GNAL: variants seen among roughly 807,000 people sequenced by gnomAD.
The protein encoded by GNAL is guanine nucleotide-binding protein G(olf) subunit alpha.
GNAL carries 18 observed loss-of-function variants against 55.1 expected under a neutral mutation model. That is an observed-to-expected ratio of 0.33 (90% CI 0.23 to 0.48). GNAL has a LOEUF of 0.48. GNAL is among the 20% of genes least tolerant of loss of function. The pLI, the probability that GNAL is intolerant of heterozygous loss-of-function variation, is 0.99. For missense variants in GNAL, 412 were observed against 614.1 expected (o/e 0.67, Z 3.48); for synonymous variants, 253 against 237.0 (o/e 1.07, Z -0.62).
Position 11,854,306 on chromosome 18 carries a change from A to C in GNAL, c.723-8089A>C, listed in dbSNP as rs963104529. The C allele has an allele frequency of 2.4e-5, 4 of 167,078 alleles. No homozygotes were observed. In the Admixed American group the frequency reaches 2.6e-4, roughly 11 times the overall value. 10.3% of individuals were successfully genotyped at this position (167,078 alleles called of 1,614,324 possible). ...TCTTAAAATATGTCCATGTCATACT[A>C]TTATGAATGTACATTTTTATGAGTC... On this transcript the variant is annotated intron_variant, in intron 5 of 11. Transcript: ENST00000334049.
intron 4 of GNAL, among the ~76,000 whole-genome samples, chr18:11,820,595 TTGATAAATG>T (rs1396891087): frequency 1.3e-5 from 2 of 152,232 alleles, no homozygotes; most frequent in African/African-American, 4.8e-5. Context: ...TGGCCATGTG[TTGATAAATG>T]TGGAACCTGA....
At chr18:11,879,562 G>GC (rs1352791543) in intron 11 of GNAL, among the ~76,000 whole-genome samples, 2 of 152,086 alleles carry the variant, frequency 1.3e-5, no homozygotes, top group Non-Finnish European at 2.9e-5. Flanking sequence ...CAGTCATATT[G>GC]CATTAGGGCC....
intron 5 of GNAL, chr18:11,851,360 TG>T: frequency 9.8e-7 from 1 of 1,019,716 alleles, no homozygotes; most frequent in Non-Finnish European, 1.4e-6. Flanking sequence ...CCTTTGGCGC[TG>T]GGCTCTGACG....
At chr18:11,713,411 A>G (rs2031882852) in intron 1 of GNAL, among the ~76,000 whole-genome samples, 1 of 152,232 alleles carries the variant, frequency 6.6e-6, no homozygotes, top group South Asian at 2.1e-4. Context: ...GGGTTTCTCC[A>G]GTTGGTCCTA....
At chr18:11,850,178 C>T (rs552549518) in intron 5 of GNAL, among the ~76,000 whole-genome samples, 1 of 152,320 alleles carries the variant, frequency 6.6e-6, no homozygotes, top group Non-Finnish European at 1.5e-5. Flanking sequence ...AAATTCCATG[C>T]TGCGGTTTGC....
intron 4 of GNAL, among the ~76,000 whole-genome samples, chr18:11,810,144 A>C (rs1341204619): frequency 6.6e-6 from 1 of 152,240 alleles, no homozygotes; most frequent in Non-Finnish European, 1.5e-5. Context: ...TAATGTCAGC[A>C]CTTTGGGAGG....
At position 11,689,521 on chromosome 18, in the gene GNAL, C is replaced by G; in HGVS notation, c.-43C>G. On this transcript the variant is annotated 5_prime_UTR_variant, in exon 1 of 12. Transcript: ENST00000334049. ...GAACCAGGCCGCCCTCGGCGCCCAG[C>G]CTGCCCTAGTCCCGCGCGCCGCCCC... The G allele has an allele frequency of 9.8e-7, 1 of 1,021,582 alleles. No individual in the cohort carries two copies. The highest frequency in any genetic ancestry group is 1.3e-6 in the Non-Finnish European group (1 of 797,188). The allele number at this position is 1,021,582 out of a possible 1,614,324, so 63.3% of individuals were successfully genotyped here.
At chr18:11,806,647 T>A (rs2034669651) in intron 4 of GNAL, among the ~76,000 whole-genome samples, 1 of 151,900 alleles carries the variant, frequency 6.6e-6, no homozygotes, top group Admixed American at 6.6e-5. Context: ...GATATTCACA[T>A]AGACGTCCTC....
intron 1 of GNAL, among the ~76,000 whole-genome samples, chr18:11,698,447 C>T (rs2031474574): frequency 6.7e-6 from 1 of 149,080 alleles, no homozygotes; most frequent in South Asian, 2.1e-4. Context: ...GCCAAGATTG[C>T]ACCACTACAC....
intron 4 of GNAL, among the ~76,000 whole-genome samples, chr18:11,773,608 A>C (rs1223053554): frequency 6.6e-6 from 1 of 152,034 alleles, no homozygotes; most frequent in Non-Finnish European, 1.5e-5. Context: ...CCATCTCTAC[A>C]AAAAATCTTG....
intron 4 of GNAL, among the ~76,000 whole-genome samples, chr18:11,786,029 G>A (rs1176733192): frequency 6.6e-6 from 1 of 152,194 alleles, no homozygotes; most frequent in Non-Finnish European, 1.5e-5. Flanking sequence ...TACCTGAGAA[G>A]GAGATTATCA....
chr18:11,744,288 G>A (rs757125901), intron 1 of GNAL, among the ~76,000 whole-genome samples: 2 of 152,108 alleles, frequency 1.3e-5, no homozygotes, highest in Non-Finnish European at 2.9e-5. Context: ...GGTTATAGGG[G>A]TAAGAAAAAT....
At chr18:11,819,722 C>T (rs1322507773) in intron 4 of GNAL, among the ~76,000 whole-genome samples, 1 of 151,724 alleles carries the variant, frequency 6.6e-6, no homozygotes, top group Non-Finnish European at 1.5e-5. Flanking sequence ...CAAAAAAAAC[C>T]CTGAAATTAT....
intron 5 of GNAL, among the ~76,000 whole-genome samples, chr18:11,846,367 CTCTT>C (rs1401614742): frequency 2.0e-5 from 3 of 150,418 alleles, no homozygotes; most frequent in Non-Finnish European, 4.4e-5. Context: ...CTATTTCTTT[CTCTT>C]TCTTATTTTT....
At chr18:11,788,060 C>T (rs74898891) in intron 4 of GNAL, among the ~76,000 whole-genome samples, 5,164 of 152,192 alleles carry the variant, frequency 0.034, 139 homozygotes, top group Middle Eastern at 0.082. Context: ...TTATCCTTGA[C>T]CATACCTGGA....
chr18:11,844,457 C>A (rs1482417933), intron 5 of GNAL, among the ~76,000 whole-genome samples: 1 of 152,108 alleles, frequency 6.6e-6, no homozygotes, highest in East Asian at 1.9e-4. Context: ...TAAATAGGTT[C>A]TCAGGATACA....
chr18:11,747,365 C>T (rs1054899418), intron 1 of GNAL: 1 of 182,760 alleles, frequency 5.5e-6, no homozygotes, highest in African/African-American at 2.4e-5. Flanking sequence ...TGTTGAACAT[C>T]AGGTTGAAGA....
chr18:11,813,983 A>G (rs2034889308), intron 4 of GNAL, among the ~76,000 whole-genome samples: 1 of 152,214 alleles, frequency 6.6e-6, no homozygotes, highest in Non-Finnish European at 1.5e-5. Flanking sequence ...GAGAAGCTGG[A>G]TATCCCTATG....
At chr18:11,747,128 C>G (rs531099494) in intron 1 of GNAL, 2 of 406,566 alleles carry the variant, frequency 4.9e-6, no homozygotes. Flanking sequence ...GAACTGCCCA[C>G]GCTGCCCACA....
Sources: gnomAD v4.1 joint callset for allele counts (sites outside exome capture counted in the v4.1 genomes callset) on GRCh38, gnomAD v4.1.1 for gene constraint, MANE v1.5 for transcripts, NCBI Gene and HGNC (gene_info 2026-07-23, HGNC 2026-07-21) for gene names.